MESD: variants seen among roughly 807,000 people sequenced by gnomAD.
MESD encodes mesoderm development LRP chaperone.
MESD carries 7 observed loss-of-function variants against 12.9 expected under a neutral mutation model. The ratio of observed to expected loss-of-function variants is 0.54; its 90% CI spans 0.31 to 1.02. The LOEUF is 1.02. MESD is among the 50% of genes least tolerant of loss of function. The pLI is 0.05. For missense variants in MESD, 342 were observed against 296.7 expected, an observed-to-expected ratio of 1.15 and a Z score of -1.12; for synonymous variants, 126 against 115.6, an observed-to-expected ratio of 1.09 and a Z score of -0.58.
rs1902404198 is a variant in MESD at position 80,976,000 on chromosome 15, T to G, written c.*3219A>C. The G allele has an allele frequency of 6.6e-6, 1 of 152,084 alleles. No homozygotes were observed. Among genetic ancestry groups the G allele is most frequent in the Non-Finnish European group, 1.5e-5 (1 of 68,034 alleles). 9.4% of individuals were successfully genotyped at this position (152,084 alleles called of 1,614,324 possible). ...ACAAATGACATTTCTCTTAAAAAAT[T>G]TTTGTTTCGTTTTTTTGAGACAGAG... On this transcript the variant is annotated 3_prime_UTR_variant, in exon 3 of 3. Coordinates refer to ENST00000261758, the MANE Select transcript of MESD (RefSeq NM_015154.3).
At chr15:80,961,906 T>C (rs1462721483) in intron 3 of MESD, among the ~76,000 whole-genome samples, 4 of 152,184 alleles carry the variant, frequency 2.6e-5, no homozygotes, top group African/African-American at 4.8e-5. Flanking sequence ...GTAAAGACCA[T>C]TGACACTATG....
intron 2 of MESD, among the ~76,000 whole-genome samples, chr15:80,980,673 T>C (rs1902550043): frequency 1.3e-5 from 2 of 152,218 alleles, no homozygotes; most frequent in African/African-American, 4.8e-5. Flanking sequence ...TGGTTGCCAG[T>C]GACAGTAATC....
chr15:80,966,040 T>C (rs1468887388), intron 3 of MESD, among the ~76,000 whole-genome samples: 1 of 152,254 alleles, frequency 6.6e-6, no homozygotes, highest in Admixed American at 6.5e-5. Flanking sequence ...ATTATTAAAA[T>C]GTTGATAATT....
At chr15:80,963,253 C>T (rs1010851206) in intron 3 of MESD, among the ~76,000 whole-genome samples, 2 of 152,160 alleles carry the variant, frequency 1.3e-5, no homozygotes, top group African/African-American at 4.8e-5. Context: ...TTCCTGTATA[C>T]ATACACCCTC....
At chr15:80,980,578 T>C (rs1470801470) in intron 2 of MESD, among the ~76,000 whole-genome samples, 1 of 152,098 alleles carries the variant, frequency 6.6e-6, no homozygotes, top group Non-Finnish European at 1.5e-5. Context: ...CACCCTTCTG[T>C]TCAGATGAAA....
Position 80,989,772 on chromosome 15 carries a change from G to T in MESD, c.20C>A (p.Ala7Glu), listed in dbSNP as rs1893250633. The T allele has an allele frequency of 3.1e-6, 5 of 1,589,818 alleles. No homozygotes were observed. Among genetic ancestry groups the T allele is most frequent in the Admixed American group, 1.7e-5 (1 of 57,910 alleles). Residue 7 changes from alanine (A) to glutamate (E), a missense_variant, in exon 1 of 3, where the codon GCG becomes GAG. Coordinates refer to ENST00000261758, the MANE Select transcript of MESD (RefSeq NM_015154.3). ...ACAAAGCAGGACCACGGCCTTGCGCGCCCACCTGGAAGCCGCCATTTTCGC... is the reference window on the plus strand; with the variant it reads ...ACAAAGCAGGACCACGGCCTTGCGCTCCCACCTGGAAGCCGCCATTTTCGC... Reference protein sequence around the residue: MAASRWARKAVVLLCAS... With the variant: MAASRWERKAVVLLCAS...
intron 3 of MESD, among the ~76,000 whole-genome samples, chr15:80,969,823 C>A (rs1902249032): frequency 6.6e-6 from 1 of 152,106 alleles, no homozygotes; most frequent in Non-Finnish European, 1.5e-5. Flanking sequence ...CCACTGCACT[C>A]CAGTCTGGGC....
At chr15:80,974,820 A>G (rs1337273454), downstream of MESD, among the ~76,000 whole-genome samples, 2 of 151,118 alleles carry the variant, frequency 1.3e-5, no homozygotes, top group African/African-American at 4.8e-5. Flanking sequence ...TTGCATAAGT[A>G]AAAAGGAGCT....
rs1893246072 is a variant in MESD, at chr15:80,989,712, G to GGTAGCA, written c.74_79dup (p.Leu25_Leu26dup). The stretch of plus-strand genomic sequence containing the variant: ...TTCGGCCGCGCAGGACCCAGGCGGT[G>GGTAGCA]GTAGCAGTAGCAGCAGCAGCAGCAG... On this transcript the variant is annotated inframe_insertion, in exon 1 of 3. Coordinates refer to ENST00000261758, the MANE Select transcript of MESD (RefSeq NM_015154.3). The GGTAGCA allele has an allele frequency of 1.9e-6, 3 of 1,610,182 alleles. No homozygotes were observed. The highest frequency in any genetic ancestry group is 2.2e-5 in the East Asian group (1 of 44,864).
chr15:80,958,467 A>G (rs1902027308), intron 3 of MESD, among the ~76,000 whole-genome samples: 1 of 152,156 alleles, frequency 6.6e-6, no homozygotes, highest in Admixed American at 6.5e-5. Flanking sequence ...AGTAGCTGAG[A>G]CCACAGGCAT....
intron 2 of MESD, among the ~76,000 whole-genome samples, chr15:80,981,709 G>C (rs955289428): frequency 6.6e-6 from 1 of 151,830 alleles, no homozygotes; most frequent in Non-Finnish European, 1.5e-5. Context: ...TACAAAATTA[G>C]CCAGGCATGG....
chr15:80,974,839 TTTA>T (rs1902371105), downstream of MESD, among the ~76,000 whole-genome samples: 1 of 150,936 alleles, frequency 6.6e-6, no homozygotes, highest in African/African-American at 2.4e-5. Flanking sequence ...CTGAATGCTA[TTTA>T]TTAATTTTAA....
intron 2 of MESD, 93 bp downstream of exon 2, chr15:80,981,857 A>G (rs1902588041): frequency 1.0e-6 from 1 of 1,002,022 alleles, no homozygotes; most frequent in South Asian, 1.6e-5. Flanking sequence ...CTCTGTCTCA[A>G]AAAAATCATC....
chr15:80,979,550 G>C (rs1902518122), intron 2 of MESD, 73 bp from the exon 3 acceptor site: 1 of 1,487,112 alleles, frequency 6.7e-7, no homozygotes, highest in Admixed American at 2.2e-5. Context: ...CAATTCTCTG[G>C]CACTTATCAG....
exon 5 of MESD, chr15:80,948,782 A>C: frequency 6.2e-7 from 1 of 1,614,024 alleles, no homozygotes; most frequent in Non-Finnish European, 8.5e-7. Flanking sequence ...CAGGAGACTC[A>C]TCATTGCTTT....
chr15:80,957,639 AATT>A (rs1902011946), intron 3 of MESD, among the ~76,000 whole-genome samples: 5 of 152,082 alleles, frequency 3.3e-5, no homozygotes, highest in Admixed American at 3.3e-4. Flanking sequence ...TGGCTCATGC[AATT>A]ACAGAGACCA....
At chr15:80,985,417 A>G (rs147673623) in intron 1 of MESD, among the ~76,000 whole-genome samples, 1 of 152,242 alleles carries the variant, frequency 6.6e-6, no homozygotes, top group African/African-American at 2.4e-5. Context: ...CTGGCCTCCA[A>G]CCACAATCAC....
chr15:80,948,605 C>A (rs1901668990), exon 5 of MESD: 4 of 732,866 alleles, frequency 5.5e-6, no homozygotes, highest in Non-Finnish European at 7.0e-6. Flanking sequence ...TGAGACCCTG[C>A]CTGCCCCATA....
At chr15:80,983,060 A>G (rs1200552404) in intron 1 of MESD, among the ~76,000 whole-genome samples, 1 of 152,040 alleles carries the variant, frequency 6.6e-6, no homozygotes, top group African/African-American at 2.4e-5. Context: ...TGGGCAACAT[A>G]GTGAGATCCC....
Sources: gnomAD v4.1 joint callset for allele counts (sites outside exome capture counted in the v4.1 genomes callset) on GRCh38, gnomAD v4.1.1 for gene constraint, MANE v1.5 for transcripts, NCBI Gene and HGNC (gene_info 2026-07-23, HGNC 2026-07-21) for gene names.